RNF180: variants seen among roughly 807,000 people sequenced by gnomAD.
The protein encoded by RNF180 is E3 ubiquitin-protein ligase RNF180.
A neutral mutation model predicts 59.2 loss-of-function variants in RNF180; 38 were observed. The ratio of observed to expected loss-of-function variants is 0.64; its 90% CI spans 0.50 to 0.84. The LOEUF (loss-of-function observed/expected upper bound fraction) is 0.84. RNF180 is among the 40% of genes least tolerant of loss of function. The pLI is 0.00. For synonymous variants in RNF180, 262 were observed against 240.3 expected, an observed-to-expected ratio of 1.09 and a Z score of -0.84; for missense variants, 705 against 700.9, an observed-to-expected ratio of 1.01 and a Z score of -0.07.
At chr5:64,254,365 G>T (rs896235724) in intron 5 of RNF180, among the ~76,000 whole-genome samples, 4 of 152,086 alleles carry the variant, frequency 2.6e-5, no homozygotes, top group African/African-American at 9.7e-5. Context: ...AACCATATTG[G>T]TGCCTTGTTT....
Position 64,276,374 on chromosome 5 carries a change from GGT to G in RNF180, c.1228-48795_1228-48794del, listed in dbSNP as rs143707598. On this transcript the variant is annotated intron_variant, in intron 5 of 7. Coordinates refer to ENST00000389100, the MANE Select transcript of RNF180 (RefSeq NM_001113561.2). ...TGTGTGTGTGTACAAAAACCACATTGGTGTGTGTGTGTGTGTGTTTATTTATT... is the reference window on the plus strand; with the variant it reads ...TGTGTGTGTGTACAAAAACCACATTGGTGTGTGTGTGTGTGTTTATTTATT... 8.1e-3 allele frequency among the ~76,000 whole-genome samples: 1,180 copies of G among 145,418 alleles called. 8 individuals are homozygous for G. Among genetic ancestry groups the G allele is most frequent in the Non-Finnish European group, 0.012 (780 of 66,132 alleles).
chr5:64,294,770 A>T (rs1742801424), intron 5 of RNF180, among the ~76,000 whole-genome samples: 1 of 152,188 alleles, frequency 6.6e-6, no homozygotes, highest in Non-Finnish European at 1.5e-5. Context: ...ATTATATTGT[A>T]TGACTGTCTC....
chr5:64,354,942 TATGAAAACCTCCTAGCTAACACC>T (rs1745959012), intron 7 of RNF180, among the ~76,000 whole-genome samples: 1 of 151,918 alleles, frequency 6.6e-6, no homozygotes, highest in Non-Finnish European at 1.5e-5. Context: ...ACTGGGCACT[TATGAAAACCTCCTAGCTAACACC>T]ACACATTTGT....
intron 7 of RNF180, among the ~76,000 whole-genome samples, chr5:64,354,034 C>T (rs550951618): frequency 6.6e-6 from 1 of 151,490 alleles, no homozygotes; most frequent in Admixed American, 6.6e-5. Context: ...GAAGAAAGCT[C>T]TCAAGTCAAC....
chr5:64,288,944 A>G (rs1742429690), intron 5 of RNF180, among the ~76,000 whole-genome samples: 1 of 152,160 alleles, frequency 6.6e-6, no homozygotes, highest in Non-Finnish European at 1.5e-5. Flanking sequence ...AGGAGTGGTG[A>G]GAGAGGGCAT....
chr5:64,309,444 C>T (rs1375879524), intron 5 of RNF180, among the ~76,000 whole-genome samples: 1 of 151,572 alleles, frequency 6.6e-6, no homozygotes, highest in East Asian at 1.9e-4. Context: ...GGAGCCAAAA[C>T]AATATTTTCT....
chr5:64,268,176 A>T lies in RNF180; in HGVS notation c.1227+50780A>T, dbSNP rs997245937. Among the ~76,000 whole-genome samples, 10 of 152,158 alleles carry T rather than the reference A, an allele frequency of 6.6e-5. No homozygotes were observed. The East Asian group carries it at 1.5e-3, about 23-fold the overall frequency. On this transcript the variant is annotated intron_variant, in intron 5 of 7. Transcript: ENST00000389100. ...AGGTGGTGATGGTGAAGTTCAAATT[A>T]TGCCTTTACTTTTAGCTAGCGTTAT... is the stretch of plus-strand genomic sequence containing the variant.
In RNF180 at chr5:64,280,678, A is replaced by G. The variant is rs955251378; in HGVS notation, c.1228-44508A>G. 2.0e-5 allele frequency among the ~76,000 whole-genome samples: 3 copies of G among 151,764 alleles called. No homozygotes were observed. The South Asian group carries it at 6.2e-4, about 32-fold the overall frequency. ...CATTGGTCTGCGTGTCTGTTTTTGT[A>G]TCAGTACCATGCTGTTTTGGTTACT... On this transcript the variant is annotated intron_variant, in intron 5 of 7. Transcript: ENST00000389100.
chr5:64,175,326 G>C (rs750355476), intron 1 of RNF180, among the ~76,000 whole-genome samples: 2 of 152,022 alleles, frequency 1.3e-5, no homozygotes, highest in Non-Finnish European at 2.9e-5. Context: ...GGTTTAGTTC[G>C]TTCTTCTACA....
rs1429314207 is a variant in RNF180, at chr5:64,214,223, C to T, written c.897C>T (p.Pro299=). ...SMLLQRFSVA[P]HETQTQRGGE... ...TGCTGCAAAGATTTTCAGTGGCCCC[C>T]CATGAGACCCAGACACAAAGAGGAG... Residue 299 remains proline (P), a synonymous_variant, in exon 4 of 8, where the codon CCC becomes CCT. Transcript: ENST00000389100. The T allele has an allele frequency of 6.8e-6, 11 of 1,613,920 alleles. No homozygotes were observed. Among genetic ancestry groups the T allele is most frequent in the Non-Finnish European group, 5.1e-6 (6 of 1,180,002 alleles).
At chr5:64,167,628 T>C (rs1749717093) in intron 1 of RNF180, among the ~76,000 whole-genome samples, 1 of 152,162 alleles carries the variant, frequency 6.6e-6, no homozygotes, top group African/African-American at 2.4e-5. Flanking sequence ...TGCAATAAAT[T>C]AATCATTTTA....
At chr5:64,236,087 G>C (rs970475664) in intron 5 of RNF180, among the ~76,000 whole-genome samples, 1 of 152,240 alleles carries the variant, frequency 6.6e-6, no homozygotes, top group Admixed American at 6.5e-5. Flanking sequence ...GGTTGGAACA[G>C]TTTGGAGGGC....
chr5:64,176,219 C>T (rs1459542461), intron 1 of RNF180, among the ~76,000 whole-genome samples: 1 of 152,154 alleles, frequency 6.6e-6, no homozygotes, highest in East Asian at 1.9e-4. Context: ...TCGTATATAT[C>T]TAGGAATTTG....
At chr5:64,255,438 G>A (rs1258328301) in intron 5 of RNF180, among the ~76,000 whole-genome samples, 1 of 152,140 alleles carries the variant, frequency 6.6e-6, no homozygotes, top group Non-Finnish European at 1.5e-5. Context: ...CTATGAGTGA[G>A]AACATGTGGT....
chr5:64,314,154 T>G (rs1480435679), intron 5 of RNF180, among the ~76,000 whole-genome samples: 1 of 152,132 alleles, frequency 6.6e-6, no homozygotes, highest in Non-Finnish European at 1.5e-5. Context: ...TAAGCAAAGG[T>G]GTCAGGTGTG....
At chr5:64,340,841 G>A (rs866446025) in intron 7 of RNF180, among the ~76,000 whole-genome samples, 32 of 152,086 alleles carry the variant, frequency 2.1e-4, no homozygotes, top group African/African-American at 6.8e-4. Flanking sequence ...AATGCAAATT[G>A]TACATTTTGT....
intron 7 of RNF180, among the ~76,000 whole-genome samples, chr5:64,349,497 T>C (rs1027903665): frequency 1.3e-5 from 2 of 151,934 alleles, no homozygotes; most frequent in African/African-American, 4.8e-5. Flanking sequence ...TTGTTACATA[T>C]GTATACATGT....
rs147012064 is a variant in RNF180 at position 64,176,276 on chromosome 5, A to G, written c.-1+10323A>G. Among the ~76,000 whole-genome samples, 592 of 152,080 alleles carry G rather than the reference A, an allele frequency of 3.9e-3. 3 individuals are homozygous for G. The highest frequency in any genetic ancestry group is 0.014 in the African/African-American group (573 of 41,530). On this transcript the variant is annotated intron_variant, in intron 1 of 7. Transcript: ENST00000389100. Reference sequence around the variant, plus strand: ...AATTTATTGGCATATAGTTTTCATAATATTTTCCTTTGTATTTCTGTAGTA... The same window carrying G: ...AATTTATTGGCATATAGTTTTCATAGTATTTTCCTTTGTATTTCTGTAGTA...
intron 1 of RNF180, among the ~76,000 whole-genome samples, chr5:64,171,697 G>A (rs180707740): frequency 5.8e-4 from 88 of 152,320 alleles, no homozygotes; most frequent in African/African-American, 2.1e-3. Flanking sequence ...ATAAGGGAAT[G>A]TAAGAAGCAT....
Sources: gnomAD v4.1 joint callset for allele counts (sites outside exome capture counted in the v4.1 genomes callset) on GRCh38, gnomAD v4.1.1 for gene constraint, MANE v1.5 for transcripts, NCBI Gene and HGNC (gene_info 2026-07-23, HGNC 2026-07-21) for gene names.